LSAMP: variants seen among roughly 807,000 people sequenced by gnomAD.
LSAMP encodes the protein limbic system-associated membrane protein.
A neutral mutation model predicts 38.6 loss-of-function variants in LSAMP; 7 were observed. The ratio of observed to expected loss-of-function variants is 0.18; its 90% CI spans 0.10 to 0.34. The LOEUF (loss-of-function observed/expected upper bound fraction) is 0.34. Among genes scored for constraint, LSAMP ranks in the 10% least tolerant of loss-of-function variants. The pLI is 1.00. For synonymous variants in LSAMP, 154 were observed against 166.8 expected, an observed-to-expected ratio of 0.92 and a Z score of 0.59; for missense variants, 313 against 420.0, an observed-to-expected ratio of 0.75 and a Z score of 2.23.
intron 1 of LSAMP, chr3:116,367,970 C>T (rs954439340): frequency 9.2e-5 from 14 of 152,160 alleles, no homozygotes; most frequent in Non-Finnish European, 1.5e-4. Flanking sequence ...TGTGCCATCT[C>T]GAAATCTACT....
chr3:116,405,437 G>A (rs1162997059), intron 1 of LSAMP, among the ~76,000 whole-genome samples: 1 of 152,022 alleles, frequency 6.6e-6, no homozygotes, highest in African/African-American at 2.4e-5. Context: ...CTTTGTCTGG[G>A]TTGCAAAAAT....
At chr3:116,216,111 A>G (rs971724969) in intron 1 of LSAMP, among the ~76,000 whole-genome samples, 2 of 152,210 alleles carry the variant, frequency 1.3e-5, no homozygotes, top group African/African-American at 4.8e-5. Context: ...TCATGATTTC[A>G]TGAATCACTT....
intron 1 of LSAMP, among the ~76,000 whole-genome samples, chr3:116,277,290 C>T (rs570587589): frequency 5.9e-5 from 9 of 152,146 alleles, no homozygotes; most frequent in South Asian, 4.2e-4. Flanking sequence ...TAGCACCACT[C>T]TAGGCATAAG....
chr3:115,944,509 G>A (rs978515862), intron 3 of LSAMP, among the ~76,000 whole-genome samples: 2 of 152,048 alleles, frequency 1.3e-5, no homozygotes, highest in African/African-American at 4.8e-5. Context: ...GAAAGTCTCC[G>A]AGGTCCTAGT....
intron 1 of LSAMP, among the ~76,000 whole-genome samples, chr3:116,151,511 T>C (rs72961503): frequency 0.034 from 5,116 of 152,146 alleles, 222 homozygotes; most frequent in African/African-American, 0.1. Flanking sequence ...GCCAGATACC[T>C]TTCTGAAAAT....
chr3:116,023,156 ATG>A (rs1013966405), intron 2 of LSAMP, among the ~76,000 whole-genome samples: 1 of 148,510 alleles, frequency 6.7e-6, no homozygotes, highest in Non-Finnish European at 1.5e-5. Flanking sequence ...ATATATACAT[ATG>A]TGTGTGTGTC....
Position 115,808,604 on chromosome 3 carries a change from A to G in LSAMP, c.*1713T>C, listed in dbSNP as rs1014791043. ...GTCAAGATGACTCTTATAGATGTAA[A>G]TTTAAATAGAGCAGGGAAGATGAAT... On this transcript the variant is annotated 3_prime_UTR_variant, in exon 7 of 7. Coordinates refer to ENST00000490035, the MANE Select transcript of LSAMP (RefSeq NM_002338.5). 3 of 152,232 alleles carry G rather than the reference A, an allele frequency of 2.0e-5. No homozygotes were observed. The highest frequency in any genetic ancestry group is 4.4e-5 in the Non-Finnish European group (3 of 68,044). The allele number at this position is 152,232 out of a possible 1,614,324, so 9.4% of individuals were successfully genotyped here. A position where few individuals can be genotyped will look rare whatever the true frequency, so the allele number is the denominator to read the frequency against.
Position 116,029,777 on chromosome 3 carries a change from T to A in LSAMP, c.389-10137A>T, listed in dbSNP as rs528845680. ...AGTGCTTGAAGCTTCAGTTATGTAG[T>A]CCTCCGAGATGTAGCCAGCATTTTA... is the stretch of plus-strand genomic sequence containing the variant. On this transcript the variant is annotated intron_variant, in intron 2 of 6. Transcript: ENST00000490035. Among the ~76,000 whole-genome samples, 5 of 152,182 alleles carry A rather than the reference T, an allele frequency of 3.3e-5. No homozygotes were observed. The South Asian group carries it at 1.0e-3, about 32-fold the overall frequency.
chr3:116,307,787 T>A (rs1012298765), intron 1 of LSAMP, among the ~76,000 whole-genome samples: 5 of 151,690 alleles, frequency 3.3e-5, no homozygotes, highest in Non-Finnish European at 7.4e-5. Context: ...AAGAAAAAAA[T>A]TTTCACATTA....
In LSAMP at chr3:115,925,905, G is replaced by C. The variant is rs1254027045; in HGVS notation, c.515-73288C>G. Among the ~76,000 whole-genome samples, 5 of 152,204 alleles carry C rather than the reference G, an allele frequency of 3.3e-5. No individual in the cohort carries two copies. The East Asian group carries it at 7.7e-4, about 24-fold the overall frequency. The stretch of plus-strand genomic sequence containing the variant: ...TAAGGCAAACCAAAATTGTAAAATA[G>C]CATTTAACCTTGCTATTTGGGAGAG... On this transcript the variant is annotated intron_variant, in intron 3 of 6. Coordinates refer to ENST00000490035, the MANE Select transcript of LSAMP (RefSeq NM_002338.5).
At chr3:115,840,153 G>C (rs896845362) in intron 6 of LSAMP, among the ~76,000 whole-genome samples, 5 of 151,982 alleles carry the variant, frequency 3.3e-5, no homozygotes. Context: ...CTTAGTCTAG[G>C]TTAAATAGAA....
At chr3:116,157,073 C>T (rs1709768869) in intron 1 of LSAMP, among the ~76,000 whole-genome samples, 1 of 152,060 alleles carries the variant, frequency 6.6e-6, no homozygotes, top group South Asian at 2.1e-4. Context: ...TTTTCAAATA[C>T]TTTGGATTAT....
chr3:115,829,224 T>A (rs1934528815), intron 6 of LSAMP, among the ~76,000 whole-genome samples: 1 of 152,048 alleles, frequency 6.6e-6, no homozygotes, highest in Admixed American at 6.6e-5. Flanking sequence ...GACACAGAAA[T>A]GGGGAGAAAA....
chr3:116,374,658 A>G (rs185201973), intron 1 of LSAMP, among the ~76,000 whole-genome samples: 1 of 151,962 alleles, frequency 6.6e-6, no homozygotes, highest in African/African-American at 2.4e-5. Flanking sequence ...TACAATAGTG[A>G]ATAATCAGTA....
At chr3:116,357,735 C>A (rs2048245286) in intron 1 of LSAMP, among the ~76,000 whole-genome samples, 1 of 151,816 alleles carries the variant, frequency 6.6e-6, no homozygotes, top group Non-Finnish European at 1.5e-5. Context: ...ACCATTGAGC[C>A]CAATTATCTT....
intron 1 of LSAMP, among the ~76,000 whole-genome samples, chr3:116,379,901 C>A (rs1217788537): frequency 6.6e-6 from 1 of 152,062 alleles, no homozygotes; most frequent in Non-Finnish European, 1.5e-5. Context: ...CTTCATTTCA[C>A]TCAGATCGCT....
At chr3:115,923,418 T>C (rs1324484327) in intron 3 of LSAMP, among the ~76,000 whole-genome samples, 1 of 152,220 alleles carries the variant, frequency 6.6e-6, no homozygotes, top group African/African-American at 2.4e-5. Flanking sequence ...CCTATGGTGG[T>C]GCAACTTCTT....
chr3:116,432,132 A>G (rs976350273), intron 1 of LSAMP, among the ~76,000 whole-genome samples: 3 of 151,908 alleles, frequency 2.0e-5, no homozygotes, highest in Non-Finnish European at 4.4e-5. Flanking sequence ...TGCCTCTTAT[A>G]TATCGTATCT....
intron 1 of LSAMP, among the ~76,000 whole-genome samples, chr3:116,132,686 C>G (rs1422564380): frequency 6.6e-6 from 1 of 152,124 alleles, no homozygotes; most frequent in East Asian, 1.9e-4. Context: ...CTTTAGTTCT[C>G]TCTCTTACAT....
Sources: allele counts gnomAD v4.1 joint callset (sites outside exome capture counted in the v4.1 genomes callset), GRCh38; gene constraint gnomAD v4.1.1; transcripts MANE v1.5; gene names NCBI Gene and HGNC (gene_info 2026-07-23, HGNC 2026-07-21).